The following SLC20A1 variants were observed in gnomAD, a reference collection of about 807,000 sequenced individuals.
SLC20A1 encodes the protein sodium-dependent phosphate transporter 1.
In SLC20A1, 28 loss-of-function variants were observed where a neutral mutation model predicts 62.7. The ratio of observed to expected loss-of-function variants is 0.45; its 90% confidence interval spans 0.33 to 0.61. SLC20A1 has a LOEUF of 0.61. SLC20A1 is among the 20% of genes least tolerant of loss of function. The probability of loss-of-function intolerance (pLI) is 0.02; values close to 1 mark genes in which losing one functional copy is unlikely to be tolerated. For missense variants in SLC20A1, 673 were observed against 838.6 expected (o/e 0.80, Z 2.44); for synonymous variants, 305 against 302.9 (o/e 1.01, Z -0.07).
At chr2:112,658,786 C>T in intron 6 of SLC20A1, 39 bp from the exon 7 acceptor site, 2 of 1,561,348 alleles carry the variant, frequency 1.3e-6, no homozygotes, top group Non-Finnish European at 1.7e-6. Flanking sequence ...GTAGTATGGC[C>T]ACAACCAAAC....
chr2:112,655,816 C>T (rs1298814338), intron 5 of SLC20A1, among the ~76,000 whole-genome samples: 1 of 152,156 alleles, frequency 6.6e-6, no homozygotes, highest in African/African-American at 2.4e-5. Context: ...TCTCCTGCCT[C>T]AGCCTCCCAA....
chr2:112,656,801 A>G (rs964082355), intron 5 of SLC20A1, among the ~76,000 whole-genome samples: 3 of 152,226 alleles, frequency 2.0e-5, no homozygotes, highest in African/African-American at 7.2e-5. Flanking sequence ...ATAGCTAGTC[A>G]TAGGTCCTTA....
In SLC20A1 at chr2:112,659,736, A is replaced by G. The variant is rs1248709535; in HGVS notation, c.1581A>G (p.Ser527=). The change falls in exon 8 of 11, where the codon TCA becomes TCG. Residue 527 remains serine, a synonymous_variant. Transcript: ENST00000272542. The stretch of plus-strand genomic sequence containing the variant: ...AGATCCTTACAGCCTGCTTTGGGTC[A>G]TTCGCCCATGGTGGCAATGACGTAA... ...FLQILTACFG[S]FAHGGNDVSN... 2 of 1,613,550 alleles carry G rather than the reference A, an allele frequency of 1.2e-6. No homozygotes were observed. Among genetic ancestry groups the G allele is most frequent in the Non-Finnish European group, 8.5e-7 (1 of 1,179,532 alleles).
Position 112,659,088 on chromosome 2 carries a change from G to C in SLC20A1, c.1042G>C (p.Val348Leu), listed in dbSNP as rs770142025. Residue 348 changes from valine to leucine, a missense_variant, in exon 7 of 11, where the codon GTG becomes CTG. Physicochemically the swap from Val to Leu is conservative, Grantham distance 32. Coordinates refer to ENST00000272542, the MANE Select transcript of SLC20A1 (RefSeq NM_005415.5). ...AGAGGAAACCAGCATAGATAGCACC[G>C]TGAATGGTGAGTTGGAATTCCTGGT... ...LKEETSIDST[V>L]NGAVQLPNGN... 1.2e-6 allele frequency: 2 copies of C among 1,611,842 alleles called. No individual in the cohort carries two copies. Among genetic ancestry groups the C allele is most frequent in the Admixed American group, 3.3e-5 (2 of 59,760 alleles).
intron 5 of SLC20A1, among the ~76,000 whole-genome samples, chr2:112,653,581 A>G (rs1686498221): frequency 6.6e-6 from 1 of 152,140 alleles, no homozygotes; most frequent in Admixed American, 6.5e-5. Flanking sequence ...ATGTATGTAG[A>G]GAGAAAGATA....
At chr2:112,647,515 C>A in intron 3 of SLC20A1, 51 bp downstream of exon 3, 1 of 1,599,364 alleles carries the variant, frequency 6.3e-7, no homozygotes, top group South Asian at 1.1e-5. Context: ...TCATATGTTA[C>A]CATGGCATTA....
chr2:112,657,918 T>C (rs1425797592), intron 6 of SLC20A1, among the ~76,000 whole-genome samples: 2 of 152,268 alleles, frequency 1.3e-5, no homozygotes, highest in Non-Finnish European at 1.5e-5. Flanking sequence ...GACTTTTTTT[T>C]CCTTAAAATA....
intron 4 of SLC20A1, chr2:112,652,178 T>G (rs1686460292): frequency 6.4e-6 from 1 of 156,416 alleles, no homozygotes; most frequent in Non-Finnish European, 1.4e-5. Flanking sequence ...TGGATGACCT[T>G]GTGCACAATC....
In SLC20A1 at chr2:112,659,863, G is replaced by T. The variant is rs1366822980; in HGVS notation, c.1607+101G>T. 3 of 956,800 alleles carry T rather than the reference G, an allele frequency of 3.1e-6. No homozygotes were observed. The Admixed American group carries it at 7.2e-5, about 23-fold the overall frequency. 59.3% of individuals were successfully genotyped at this position (956,800 alleles called of 1,614,324 possible). On this transcript the variant is annotated intron_variant, in intron 8 of 10. Coordinates refer to ENST00000272542, the MANE Select transcript of SLC20A1 (RefSeq NM_005415.5). ...GTAGTGGTACTCCTAGCATTTACAGGACCCCAAATAATACAAATAGGATGA... is the reference window on the plus strand; with the variant it reads ...GTAGTGGTACTCCTAGCATTTACAGTACCCCAAATAATACAAATAGGATGA...
intron 5 of SLC20A1, among the ~76,000 whole-genome samples, chr2:112,655,572 G>A (rs893835504): frequency 6.9e-6 from 1 of 145,482 alleles, no homozygotes; most frequent in African/African-American, 2.6e-5. Context: ...ATGGGGTCTT[G>A]CTGTGTTGCC....
Position 112,663,073 on chromosome 2 carries a change from T to A in SLC20A1, c.*48T>A. The stretch of plus-strand genomic sequence containing the variant: ...TGTCAATGTTTGGGACCATCTTAGG[T>A]ATTCCTGCTCCCCTGAAGAATGATT... On this transcript the variant is annotated 3_prime_UTR_variant, in exon 11 of 11. Transcript: ENST00000272542. The A allele has an allele frequency of 1.9e-6, 3 of 1,590,732 alleles. No homozygotes were observed. Among genetic ancestry groups the A allele is most frequent in the Non-Finnish European group, 2.6e-6 (3 of 1,159,222 alleles).
rs1686675955 is a variant in SLC20A1 at position 112,658,990 on chromosome 2, G to C, written c.944G>C (p.Arg315Thr). ...CCCCTCCAGGCTGTGGTGGAGGAGA[G>C]AACAGTCTCATTCAAACTTGGAGAT... ...TVPLQAVVEE[R>T]TVSFKLGDLE... is the part of the protein sequence containing the mutation. The change falls in exon 7 of 11, where the codon AGA becomes ACA. Residue 315 changes from arginine (R) to threonine (T), a missense_variant. Arg to Thr is a moderately conservative substitution (Grantham distance 71). Coordinates refer to ENST00000272542, the MANE Select transcript of SLC20A1 (RefSeq NM_005415.5). 6.2e-7 allele frequency: 1 copy of C among 1,614,102 alleles called. No homozygotes were observed. Among genetic ancestry groups the C allele is most frequent in the East Asian group, 2.2e-5 (1 of 44,904 alleles).
At position 112,661,192 on chromosome 2, in the gene SLC20A1, A is replaced by T; in HGVS notation, c.1844A>T (p.Asn615Ile). ...ASALTVVIAS[N>I]IGLPISTTHC... ...GCCCTCACTGTGGTGATTGCATCAAATATTGGCCTTCCCATCAGTACAACA... is the reference window on the plus strand; with the variant it reads ...GCCCTCACTGTGGTGATTGCATCAATTATTGGCCTTCCCATCAGTACAACA... Residue 615 changes from asparagine (N) to isoleucine (I), a missense_variant, in exon 10 of 11, where the codon AAT becomes ATT. Transcript: ENST00000272542. 6.2e-7 allele frequency: 1 copy of T among 1,614,078 alleles called. No homozygotes were observed. The highest frequency in any genetic ancestry group is 8.5e-7 in the Non-Finnish European group (1 of 1,179,928).
intron 8 of SLC20A1, 28 bp downstream of exon 8, chr2:112,659,790 T>C: frequency 6.3e-7 from 1 of 1,574,934 alleles, no homozygotes; most frequent in Non-Finnish European, 8.7e-7. Flanking sequence ...TTAGTGTTGC[T>C]AACCCTATTT....
At chr2:112,659,117 A>G (rs774960265) in intron 7 of SLC20A1, 23 bp downstream of exon 7, 1 of 1,610,062 alleles carries the variant, frequency 6.2e-7, no homozygotes, top group Non-Finnish European at 8.5e-7. Context: ...TCCTGGTTTC[A>G]CTTTTGTTAC....
chr2:112,662,972 G>A lies in SLC20A1; in HGVS notation c.1987G>A (p.Val663Ile), dbSNP rs1183681952. Residue 663 changes from valine to isoleucine, a missense_variant, in exon 11 of 11, where the codon GTT becomes ATT. Val to Ile is a conservative substitution (Grantham distance 29). Transcript: ENST00000272542. ...AWFVTVPISG[V>I]ISAAIMAIFR... ...GTTTGTCACAGTCCCCATTTCTGGA[G>A]TTATCAGTGCTGCCATCATGGCAAT... 1 of 1,614,082 alleles carries A rather than the reference G, an allele frequency of 6.2e-7. No homozygotes were observed. The highest frequency in any genetic ancestry group is 2.2e-5 in the East Asian group (1 of 44,904).
rs780397456 is a variant in SLC20A1, at chr2:112,652,706, A to C, written c.566A>C (p.Asp189Ala). 2 of 1,613,514 alleles carry C rather than the reference A, an allele frequency of 1.2e-6. No individual in the cohort carries two copies. Among genetic ancestry groups the C allele is most frequent in the Non-Finnish European group, 8.5e-7 (1 of 1,179,414 alleles). Residue 189 changes from aspartate (D) to alanine (A), a missense_variant, in exon 5 of 11, where the codon GAT becomes GCT. Transcript: ENST00000272542. ...GATCTTAATGATGTTTTACAGGCAGATCCAGTTCCTAATGGTTTGCGAGCT... is the reference window on the plus strand; with the variant it reads ...GATCTTAATGATGTTTTACAGGCAGCTCCAGTTCCTAATGGTTTGCGAGCT... ...LVRAFILHKA[D>A]PVPNGLRALP...
In SLC20A1 at chr2:112,647,118, C is replaced by T. The variant is rs757741838; in HGVS notation, c.290C>T (p.Ser97Leu). Reference sequence around the variant, plus strand: ...TTGATTGACGTGGAGATGTACAACTCGACTCAAGGGCTGCTGATGGCCGGC... The same window carrying T: ...TTGATTGACGTGGAGATGTACAACTTGACTCAAGGGCTGCTGATGGCCGGC... ...KGLIDVEMYN[S>L]TQGLLMAGSV... The change falls in exon 2 of 11, where the codon TCG becomes TTG. Residue 97 changes from serine to leucine, a missense_variant. By Grantham distance (145) the Ser-to-Leu change is moderately radical (BLOSUM62 -2). Transcript: ENST00000272542. The T allele has an allele frequency of 6.2e-6, 10 of 1,613,964 alleles. No individual in the cohort carries two copies. The Admixed American group carries it at 1.7e-4, about 27-fold the overall frequency.
chr2:112,654,789 C>T (rs957897212), intron 5 of SLC20A1, among the ~76,000 whole-genome samples: 5 of 150,216 alleles, frequency 3.3e-5, no homozygotes, highest in Middle Eastern at 3.4e-3. Flanking sequence ...CCAGCTACTT[C>T]GGAGGCTGAG....
Sources: allele counts gnomAD v4.1 joint callset (sites outside exome capture counted in the v4.1 genomes callset), GRCh38; gene constraint gnomAD v4.1.1; transcripts MANE v1.5; gene names NCBI Gene and HGNC (gene_info 2026-07-23, HGNC 2026-07-21).